WDR25: variants seen among roughly 807,000 people sequenced by gnomAD.
The protein encoded by WDR25 is WD repeat-containing protein 25.
Under a neutral mutation model 47.7 loss-of-function variants are expected in WDR25, and 35 were observed. That is an observed-to-expected ratio of 0.73 (90% CI 0.56 to 0.97). The LOEUF is 0.97. Ranked by LOEUF, WDR25 falls within the 50% of genes least tolerant of loss-of-function variation. WDR25 has a pLI of 0.00. For missense variants in WDR25, 634 were observed against 704.7 expected, an observed-to-expected ratio of 0.90 and a Z score of 1.14; for synonymous variants, 248 against 278.9, an observed-to-expected ratio of 0.89 and a Z score of 1.10.
In WDR25 at chr14:100,387,986, T is replaced by G. The variant is rs142450710; in HGVS notation, c.822+6240T>G. 1.0e-3 allele frequency among the ~76,000 whole-genome samples: 154 copies of G among 152,386 alleles called. 1 individual carries two copies. The highest frequency in any genetic ancestry group is 3.6e-3 in the African/African-American group (148 of 41,598). ...ACATTAAGATATCTTAGATGTGCTT[T>G]GTAGAAAGTGATCTATTTCACATTC... On this transcript the variant is annotated intron_variant, in intron 2 of 6. Transcript: ENST00000402312.
chr14:100,452,688 A>C (rs892536771), intron 2 of WDR25, among the ~76,000 whole-genome samples: 3 of 151,998 alleles, frequency 2.0e-5, no homozygotes, highest in Admixed American at 1.3e-4. Flanking sequence ...GCCACTGGAT[A>C]GTTTGTGGGG....
rs1457653536 is a variant in WDR25, at chr14:100,392,160, T to TA, written c.822+10415dup. On this transcript the variant is annotated intron_variant, in intron 2 of 6. Transcript: ENST00000402312. This position sits in a 1 kb window ranked among gnomAD's most constrained non-coding sequence, Gnocchi z 4.2. ...AAATGTCCTCAGTTTTCACTTCTAA[T>TA]ACGCGAAGTACCCATAGCTATAATC... Among the ~76,000 whole-genome samples the TA allele has an allele frequency of 6.6e-6, 1 of 152,204 alleles. No individual in the cohort carries two copies. Among genetic ancestry groups the TA allele is most frequent in the Non-Finnish European group, 1.5e-5 (1 of 68,030 alleles).
At chr14:100,519,623 A>G (rs946409201) in intron 4 of WDR25, among the ~76,000 whole-genome samples, 2 of 149,190 alleles carry the variant, frequency 1.3e-5, no homozygotes, top group Admixed American at 1.3e-4. Flanking sequence ...CTCTATATCT[A>G]TATATAGTCT....
chr14:100,430,666 G>A lies in WDR25; in HGVS notation c.823-37355G>A, dbSNP rs1426552097. Reference sequence around the variant, plus strand: ...CACTGAGGCACAGTGGGAACCAGCGGCTGTTATAGGTGACCCAGTGAGGGA... The same window carrying A: ...CACTGAGGCACAGTGGGAACCAGCGACTGTTATAGGTGACCCAGTGAGGGA... On this transcript the variant is annotated intron_variant, in intron 2 of 6. Transcript: ENST00000402312. The surrounding 1 kb of genome is among the most constrained non-coding windows in gnomAD (Gnocchi z 4.7). Among the ~76,000 whole-genome samples, 1 of 152,196 alleles carries A rather than the reference G, an allele frequency of 6.6e-6. No individual in the cohort carries two copies. The highest frequency in any genetic ancestry group is 1.9e-4 in the East Asian group (1 of 5,198).
intron 1 of WDR25, among the ~76,000 whole-genome samples, chr14:100,377,575 G>C (rs1896742756): frequency 6.6e-6 from 1 of 152,008 alleles, no homozygotes; most frequent in South Asian, 2.1e-4. Flanking sequence ...CTCCTACAGT[G>C]CTAGGATTAC....
intron 3 of WDR25, among the ~76,000 whole-genome samples, chr14:100,474,550 C>G (rs1385655441): frequency 1.3e-5 from 2 of 152,212 alleles, no homozygotes; most frequent in Non-Finnish European, 2.9e-5. Context: ...GACTCTGGAG[C>G]CCAAACGTGT....
At chr14:100,464,251 G>T (rs1350809803) in intron 2 of WDR25, among the ~76,000 whole-genome samples, 2 of 152,274 alleles carry the variant, frequency 1.3e-5, no homozygotes, top group Admixed American at 6.5e-5. Context: ...TACATAGCTG[G>T]CTTTCTCACC....
chr14:100,526,143 C>CGGAGAGCCTTGGGCCTGCTATTT, intron 5 of WDR25, 103 bp downstream of exon 5: 4 of 1,376,966 alleles, frequency 2.9e-6, no homozygotes, highest in Non-Finnish European at 3.9e-6. Context: ...GGAGGAGGCT[C>CGGAGAGCCTTGGGCCTGCTATTT]ACTGGACTGA....
rs568310627 is a variant in WDR25, at chr14:100,428,859, A to C, written c.823-39162A>C. Among the ~76,000 whole-genome samples, 78 of 152,066 alleles carry C rather than the reference A, an allele frequency of 5.1e-4. No individual in the cohort carries two copies. Among genetic ancestry groups the C allele is most frequent in the Middle Eastern group, 3.4e-3 (1 of 294 alleles). On this transcript the variant is annotated intron_variant, in intron 2 of 6. Coordinates refer to ENST00000402312, the MANE Select transcript of WDR25 (RefSeq NM_001161476.3). The surrounding 1 kb of genome is among the most constrained non-coding windows in gnomAD (Gnocchi z 4.3). ...GAAATTGGTTTGTTTTTCTTCTTCCATTTCATGAAGCAATATCACTCAAGC... is the reference window on the plus strand; with the variant it reads ...GAAATTGGTTTGTTTTTCTTCTTCCCTTTCATGAAGCAATATCACTCAAGC...
At chr14:100,385,378 A>G (rs1566883215) in intron 2 of WDR25, among the ~76,000 whole-genome samples, 1 of 152,226 alleles carries the variant, frequency 6.6e-6, no homozygotes, top group Non-Finnish European at 1.5e-5. Context: ...TAGAATGTGG[A>G]AGAATCCTTG....
chr14:100,507,667 A>G (rs966962672), intron 4 of WDR25, among the ~76,000 whole-genome samples: 1 of 103,938 alleles, frequency 9.6e-6, no homozygotes, highest in African/African-American at 3.8e-5. Context: ...TTTTTTTTTT[A>G]TGGCTGTTGC....
rs1566906599 is a variant in WDR25 at position 100,430,159 on chromosome 14, T to TGG, written c.823-37861_823-37860insGG. Reference sequence around the variant, plus strand: ...GCAGACCAAGGGGGCCTGGTGTGTGTGTGTGTGTGTGTGTGTGTGTGTGTG... The same window carrying TGG: ...GCAGACCAAGGGGGCCTGGTGTGTGTGGGTGTGTGTGTGTGTGTGTGTGTGTG... On this transcript the variant is annotated intron_variant, in intron 2 of 6. Coordinates refer to ENST00000402312, the MANE Select transcript of WDR25 (RefSeq NM_001161476.3). This position sits in a 1 kb window ranked among gnomAD's most constrained non-coding sequence, Gnocchi z 4.7. Among the ~76,000 whole-genome samples, 1 of 151,166 alleles carries TGG rather than the reference T, an allele frequency of 6.6e-6. No individual in the cohort carries two copies. The highest frequency in any genetic ancestry group is 1.5e-5 in the Non-Finnish European group (1 of 67,752).
At chr14:100,433,596 G>C (rs1029742415) in intron 2 of WDR25, among the ~76,000 whole-genome samples, 3 of 152,162 alleles carry the variant, frequency 2.0e-5, no homozygotes, top group Non-Finnish European at 4.4e-5. Context: ...TCTTACCTGA[G>C]TCAGTCCCTA....
At chr14:100,481,286 A>G (rs1900194080) in intron 3 of WDR25, 1 of 781,764 alleles carries the variant, frequency 1.3e-6, no homozygotes, top group South Asian at 1.3e-5. Flanking sequence ...AATACCATAT[A>G]CCATGTCTTA....
At position 100,468,653 on chromosome 14, in the gene WDR25, T is replaced by A. The variant is rs146239805; in HGVS notation, c.970+485T>A. ...TTGGGTAGGATGGATTCGTGCCGGG[T>A]AAATCCTGAGAGGGCTCTTGACAAG... On this transcript the variant is annotated intron_variant, in intron 3 of 6. Coordinates refer to ENST00000402312, the MANE Select transcript of WDR25 (RefSeq NM_001161476.3). The surrounding 1 kb of genome is among the most constrained non-coding windows in gnomAD (Gnocchi z 4.5). Among the ~76,000 whole-genome samples the A allele has an allele frequency of 6.6e-6, 1 of 152,092 alleles. No individual in the cohort carries two copies. The highest frequency in any genetic ancestry group is 2.4e-5 in the African/African-American group (1 of 41,486).
chr14:100,459,172 A>G (rs1899296702), intron 2 of WDR25, among the ~76,000 whole-genome samples: 1 of 152,226 alleles, frequency 6.6e-6, no homozygotes, highest in African/African-American at 2.4e-5. Flanking sequence ...AATTACTAAT[A>G]TTAGGAATGA....
At position 100,498,396 on chromosome 14, in the gene WDR25, A is replaced by G. The variant is rs1055850874; in HGVS notation, c.1101+14272A>G. On this transcript the variant is annotated intron_variant, in intron 4 of 6. Transcript: ENST00000402312. The surrounding 1 kb of genome is among the most constrained non-coding windows in gnomAD (Gnocchi z 4.2). ...TTTCCCCTCTGCATGCCCCTTTTCC[A>G]CCAAACAGATTTCTTGGTTTTTAAT... Among the ~76,000 whole-genome samples the G allele has an allele frequency of 6.6e-6, 1 of 152,084 alleles. No individual in the cohort carries two copies. The highest frequency in any genetic ancestry group is 2.4e-5 in the African/African-American group (1 of 41,402).
intron 2 of WDR25, among the ~76,000 whole-genome samples, chr14:100,413,548 G>A (rs1897775017): frequency 6.6e-6 from 1 of 151,936 alleles, no homozygotes; most frequent in African/African-American, 2.4e-5. Flanking sequence ...CGAGTAGCTG[G>A]GACTACAGGC....
intron 2 of WDR25, among the ~76,000 whole-genome samples, chr14:100,434,431 A>G (rs1898437865): frequency 1.3e-5 from 2 of 152,252 alleles, no homozygotes; most frequent in Non-Finnish European, 1.5e-5. Context: ...AACTTCTGCA[A>G]AAAGAGGTCT....
Sources: gnomAD v4.1 joint callset for allele counts (sites outside exome capture counted in the v4.1 genomes callset) on GRCh38, gnomAD v4.1.1 for gene constraint, Gnocchi (gnomAD v3.1) non-coding constraint, MANE v1.5 for transcripts, NCBI Gene and HGNC (gene_info 2026-07-23, HGNC 2026-07-21) for gene names.